The following GPS1 variants were observed in gnomAD, a reference collection of about 807,000 sequenced individuals.
GPS1 encodes G protein pathway suppressor 1, also known as COP9 signalosome complex subunit 1.
In GPS1, 11 loss-of-function variants were observed where a neutral mutation model predicts 60.0. That is an observed-to-expected ratio of 0.18 (90% CI 0.12 to 0.30). GPS1 has a LOEUF of 0.30. GPS1 is among the 10% of genes least tolerant of loss of function. The probability of loss-of-function intolerance (pLI) is 1.00; values close to 1 mark genes in which losing one functional copy is unlikely to be tolerated. For missense variants in GPS1, 543 were observed against 669.2 expected (o/e 0.81, Z 2.08); for synonymous variants, 343 against 269.8 (o/e 1.27, Z -2.66).
chr17:82,056,249 G>C (rs1568066010), intron 8 of GPS1, 37 bp from the exon 9 acceptor site: 1 of 1,472,564 alleles, frequency 6.8e-7, no homozygotes, highest in Non-Finnish European at 9.5e-7. Flanking sequence ...GGGAGGGGCA[G>C]GCAGAGGACA....
intron 2 of GPS1, 97 bp downstream of exon 2, chr17:82,053,463 C>T: frequency 2.3e-6 from 2 of 874,520 alleles, no homozygotes; most frequent in Non-Finnish European, 3.3e-6. Context: ...TAGAATGATC[C>T]TCCTCAGTGA....
Position 82,054,587 on chromosome 17 carries a change from C to T in GPS1, c.386C>T (p.Ala129Val), listed in dbSNP as rs1465682782. 3 of 1,602,426 alleles carry T rather than the reference C, an allele frequency of 1.9e-6. No individual in the cohort carries two copies. The highest frequency in any genetic ancestry group is 1.7e-5 in the Admixed American group (1 of 59,444). ...GCCCTGGACACGGCCTGGGTGGAGG[C>T]CACGCGGAAGAAGGCGCTGCTGAAG... is the stretch of plus-strand genomic sequence containing the variant. ...PPALDTAWVE[A>V]TRKKALLKLE... The change falls in exon 4 of 13, where the codon GCC becomes GTC. Residue 129 changes from alanine (A) to valine (V), a missense_variant. Ala to Val is a moderately conservative substitution (Grantham distance 64). Coordinates refer to ENST00000578552, the MANE Select transcript of GPS1 (RefSeq NM_001321092.3).
Position 82,057,045 on chromosome 17 carries a change from C to T in GPS1, c.1390-8C>T, listed in dbSNP as rs764867813. On this transcript the variant is annotated splice_region_variant and splice_polypyrimidine_tract_variant and intron_variant, in intron 12 of 12. Transcript: ENST00000578552. ...GTGGCTGTGAGCTGCTCCTTGTCTC[C>T]CCTGCAGTCCCCGCCCAGAGAAGGG... 4 of 1,601,536 alleles carry T rather than the reference C, an allele frequency of 2.5e-6. No homozygotes were observed. The highest frequency in any genetic ancestry group is 2.7e-5 in the African/African-American group (2 of 74,808).
In GPS1 at chr17:82,054,766, A is replaced by C. The variant is rs763190588; in HGVS notation, c.565A>C (p.Thr189Pro). The change falls in exon 4 of 13, where the codon ACC becomes CCC. Residue 189 changes from threonine (T) to proline (P), a missense_variant. Physicochemically the swap from Thr to Pro is conservative, Grantham distance 38. Around this residue, in one of 3 missense-constraint regions of GPS1, gnomAD observed 71 missense variants for 126.7 expected, o/e 0.56. Transcript: ENST00000578552. ...CTATTCCCGGGCCCGGGACTACTGC[A>C]CCAGCGCCAAACACGTCATCAACAT... ...KCYSRARDYC[T>P]SAKHVINMCL... 1 of 1,609,592 alleles carries C rather than the reference A, an allele frequency of 6.2e-7. No individual in the cohort carries two copies. Among genetic ancestry groups the C allele is most frequent in the Non-Finnish European group, 8.5e-7 (1 of 1,178,140 alleles).
In GPS1 at chr17:82,053,297, C is replaced by T. The variant is rs779811355; in HGVS notation, c.57C>T (p.Ile19=). ...NLQGAVEPMQ[I]DVDPQEDPQN... ...AGGGGGCCGTGGAGCCCATGCAGAT[C>T]GACGTGGACCCCCAGGAAGACCCGC... is the stretch of plus-strand genomic sequence containing the variant. Residue 19 remains isoleucine, a synonymous_variant, in exon 2 of 13, where the codon ATC becomes ATT. Coordinates refer to ENST00000578552, the MANE Select transcript of GPS1 (RefSeq NM_001321092.3). 4.8e-5 allele frequency: 74 copies of T among 1,549,352 alleles called. No homozygotes were observed. Among genetic ancestry groups the T allele is most frequent in the Non-Finnish European group, 6.1e-5 (71 of 1,156,398 alleles).
intron 12 of GPS1, 31 bp downstream of exon 12, chr17:82,057,005 G>A (rs746107931): frequency 5.0e-6 from 8 of 1,611,988 alleles, no homozygotes; most frequent in South Asian, 3.3e-5. Context: ...GCAGGCGCAC[G>A]GCGTGTGGGG....
At chr17:82,051,397 AC>A (rs1339084454), upstream of GPS1, 1 of 1,409,028 alleles carries the variant, frequency 7.1e-7, no homozygotes, top group Non-Finnish European at 9.2e-7. This position sits in a 1 kb window ranked among gnomAD's most constrained non-coding sequence, Gnocchi z 4.1. Context: ...CCGGAGACCG[AC>A]CCGCCCCGCG....
At position 82,057,105 on chromosome 17, in the gene GPS1, C is replaced by T. The variant is rs780200049; in HGVS notation, c.1442C>T (p.Ser481Phe). The T allele has an allele frequency of 6.4e-7, 1 of 1,574,294 alleles. No homozygotes were observed. The highest frequency in any genetic ancestry group is 1.2e-5 in the South Asian group (1 of 84,272). Residue 481 changes from serine to phenylalanine, a missense_variant, in exon 13 of 13, where the codon TCC becomes TTC. Ser to Phe is a radical substitution (Grantham distance 155, BLOSUM62 -2). Around this residue, in one of 3 missense-constraint regions of GPS1, gnomAD observed 291 missense variants for 353.7 expected, o/e 0.82. Transcript: ENST00000578552. ...GAGCTGACTCCAGCCAACAGCCAGT[C>T]CCGGATGAGCACCAACATGTGAGGG... ...QGELTPANSQ[S>F]RMSTNM
intron 6 of GPS1, 92 bp from the exon 7 acceptor site, chr17:82,055,648 C>A: frequency 1.2e-6 from 1 of 851,960 alleles, no homozygotes; most frequent in Non-Finnish European, 1.9e-6. Context: ...CTGGTGGTCG[C>A]GTTCTCCCTG....
chr17:82,055,113 T>G, intron 5 of GPS1, 49 bp from the exon 6 acceptor site: 3 of 1,565,592 alleles, frequency 1.9e-6, no homozygotes, highest in Non-Finnish European at 2.6e-6. Context: ...GGCATCGAGC[T>G]CTAGGAAATG....
upstream of GPS1, chr17:82,051,461 G>A: frequency 1.5e-6 from 2 of 1,342,406 alleles, no homozygotes; most frequent in African/African-American, 1.5e-5. The surrounding 1 kb of genome is among the most constrained non-coding windows in gnomAD (Gnocchi z 4.1). Context: ...CGGGGCGGGT[G>A]GGCGTGGGGC....
chr17:82,053,521 C>T (rs143101982), intron 2 of GPS1, 155 bp downstream of exon 2: 15 of 555,644 alleles, frequency 2.7e-5, no homozygotes, highest in East Asian at 6.8e-5. Flanking sequence ...TTTCTGATTG[C>T]GCACTCACAT....
chr17:82,053,682 C>T (rs1026831472), intron 2 of GPS1, 186 bp from the exon 3 acceptor site: 1 of 624,100 alleles, frequency 1.6e-6, no homozygotes, highest in Admixed American at 3.2e-5. Flanking sequence ...CTGCGCCAGG[C>T]CCACCCCAGC....
rs200199758 is a variant in GPS1, at chr17:82,052,335, C to T, written c.33+371C>T. The T allele has an allele frequency of 1.9e-5, 31 of 1,612,934 alleles. No homozygotes were observed. The East Asian group carries it at 5.6e-4, about 29-fold the overall frequency. ...AGGGATAGCTCGGCCCCCAGCTCGG[C>T]CTCCTCGTCAGTGACAGATCTGTAC... On this transcript the variant is annotated intron_variant, in intron 1 of 12. Coordinates refer to ENST00000578552, the MANE Select transcript of GPS1 (RefSeq NM_001321092.3).
At position 82,054,143 on chromosome 17, in the gene GPS1, C is replaced by T. The variant is rs2031895897; in HGVS notation, c.308+94C>T. 5.1e-6 allele frequency: 7 copies of T among 1,372,280 alleles called. No homozygotes were observed. In the South Asian group the frequency reaches 1.0e-4, roughly 20 times the overall value. The allele number at this position is 1,372,280 out of a possible 1,614,324, so 85.0% of individuals were successfully genotyped here. On this transcript the variant is annotated intron_variant, in intron 3 of 12. Coordinates refer to ENST00000578552, the MANE Select transcript of GPS1 (RefSeq NM_001321092.3). ...CCCTTCCTGTGCCCTGCATCTCCCACCCCTGTGCTGGGAAGTCGGGCGGGT... is the reference window on the plus strand; with the variant it reads ...CCCTTCCTGTGCCCTGCATCTCCCATCCCTGTGCTGGGAAGTCGGGCGGGT...
chr17:82,055,123 G>A (rs1299971130), intron 5 of GPS1, 39 bp from the exon 6 acceptor site: 2 of 1,563,770 alleles, frequency 1.3e-6, no homozygotes, highest in Admixed American at 3.8e-5. Flanking sequence ...TCTAGGAAAT[G>A]TGGAGCATGG....
At position 82,055,385 on chromosome 17, in the gene GPS1, G is replaced by T. The variant is rs898586489; in HGVS notation, c.748+163G>T. ...CAGGTGTAGGTGGTGCCTAAAGTCT[G>T]CCCCGGGGAAGCCAGTGGGTGACGT... On this transcript the variant is annotated intron_variant, in intron 6 of 12. Transcript: ENST00000578552. The T allele has an allele frequency of 3.3e-5, 25 of 748,730 alleles. No individual in the cohort carries two copies. The African/African-American group carries it at 3.8e-4, about 11-fold the overall frequency. 46.4% of individuals were successfully genotyped at this position (748,730 alleles called of 1,614,324 possible).
chr17:82,053,189 G>C (rs190665562), intron 1 of GPS1, 85 bp from the exon 2 acceptor site: 26 of 1,100,784 alleles, frequency 2.4e-5, no homozygotes, highest in Non-Finnish European at 3.2e-5. Flanking sequence ...CTTGGGCAGA[G>C]CTGACCTCAG....
At chr17:82,052,321 G>A (rs1253536983) in intron 1 of GPS1, 3 of 1,613,000 alleles carry the variant, frequency 1.9e-6, no homozygotes, top group Admixed American at 1.7e-5. Context: ...GGGATAGCTC[G>A]GCCCCCAGCT....
Sources: gnomAD v4.1 joint callset for allele counts on GRCh38, gnomAD v4.1.1 for gene constraint, gnomAD v4.1.1 regional missense constraint, Gnocchi (gnomAD v3.1) non-coding constraint, MANE v1.5 for transcripts, NCBI Gene and HGNC (gene_info 2026-07-23, HGNC 2026-07-21) for gene names.